The following NRG1 variants were observed in gnomAD, a reference collection of about 807,000 sequenced individuals.
NRG1 encodes the protein pro-neuregulin-1, membrane-bound isoform.
A neutral mutation model predicts 63.8 loss-of-function variants in NRG1; 18 were observed. That is an observed-to-expected ratio of 0.28 (90% confidence interval 0.19 to 0.42). The LOEUF (loss-of-function observed/expected upper bound fraction) is 0.42, where lower values mean the gene tolerates loss of function less well. Ranked by LOEUF, NRG1 falls within the 10% of genes least tolerant of loss-of-function variation. The pLI is 1.00. For missense variants in NRG1, 762 were observed against 814.7 expected (o/e 0.94, Z 0.79); for synonymous variants, 302 against 301.3 (o/e 1.00, Z -0.02).
intron 1 of NRG1, among the ~76,000 whole-genome samples, chr8:32,114,015 G>A (rs189065035): frequency 6.6e-6 from 1 of 152,168 alleles, no homozygotes; most frequent in Non-Finnish European, 1.5e-5. Context: ...ACAAAAGGCA[G>A]TCAGACAGCC....
intron 1 of NRG1, among the ~76,000 whole-genome samples, chr8:31,648,892 A>T: frequency 6.6e-6 from 1 of 151,942 alleles, no homozygotes; most frequent in East Asian, 1.9e-4. Flanking sequence ...CCTGCTTTCA[A>T]TTTTTTGGGT....
chr8:32,337,970 A>G (rs1803541209), intron 1 of NRG1, among the ~76,000 whole-genome samples: 1 of 152,178 alleles, frequency 6.6e-6, no homozygotes, highest in South Asian at 2.1e-4. Context: ...TTATACTTTA[A>G]TTATTTCTTT....
intron 1 of NRG1, among the ~76,000 whole-genome samples, chr8:31,670,571 G>GTTTT (rs35693427): frequency 6.8e-6 from 1 of 146,172 alleles, no homozygotes. Context: ...CATTCTCTTT[G>GTTTT]TTTTTTTTTT....
intron 1 of NRG1, among the ~76,000 whole-genome samples, chr8:31,954,098 A>G (rs1224255002): frequency 1.3e-5 from 2 of 152,160 alleles, no homozygotes; most frequent in Non-Finnish European, 2.9e-5. Flanking sequence ...CAGCCATAAA[A>G]TTTGTTTGAC....
At chr8:32,486,627 A>AATTTTTTTT (rs71208187) in intron 1 of NRG1, among the ~76,000 whole-genome samples, 2 of 145,518 alleles carry the variant, frequency 1.4e-5, no homozygotes. Flanking sequence ...GAATTGCTGG[A>AATTTTTTTT]TTTTTTTTTT....
chr8:32,125,066 T>C (rs948709827), intron 1 of NRG1, among the ~76,000 whole-genome samples: 1 of 151,898 alleles, frequency 6.6e-6, no homozygotes, highest in Non-Finnish European at 1.5e-5. Context: ...ACTTAGGCCC[T>C]TTTTGCCTTT....
intron 1 of NRG1, among the ~76,000 whole-genome samples, chr8:32,040,725 T>TATATGAAATTTAGGCGC (rs1554608430): frequency 8.5e-6 from 1 of 117,782 alleles, no homozygotes; most frequent in African/African-American, 3.0e-5. Flanking sequence ...TATATATATA[T>TATATGAAATTTAGGCGC]ATATATATAT....
At chr8:32,175,492 CAGA>C (rs1481615972) in intron 1 of NRG1, among the ~76,000 whole-genome samples, 1 of 152,114 alleles carries the variant, frequency 6.6e-6, no homozygotes, top group Non-Finnish European at 1.5e-5. Context: ...GGCTATCAGG[CAGA>C]AGAAGGAAAT....
chr8:32,518,886 G>T (rs1319768966), intron 1 of NRG1, among the ~76,000 whole-genome samples: 1 of 152,204 alleles, frequency 6.6e-6, no homozygotes, highest in African/African-American at 2.4e-5. Flanking sequence ...TTAATGGAGA[G>T]ATTTAATTTC....
intron 1 of NRG1, among the ~76,000 whole-genome samples, chr8:32,195,597 G>T (rs1842879987): frequency 6.6e-6 from 1 of 152,094 alleles, no homozygotes; most frequent in Non-Finnish European, 1.5e-5. Flanking sequence ...GAGGCCAACA[G>T]TATAGAACCA....
chr8:32,064,099 T>TGG (rs1399051432), intron 1 of NRG1, among the ~76,000 whole-genome samples: 6 of 152,066 alleles, frequency 3.9e-5, no homozygotes, highest in African/African-American at 1.4e-4. Context: ...AAACCCTTTC[T>TGG]GGCAAAGAAA....
intron 1 of NRG1, among the ~76,000 whole-genome samples, chr8:32,268,476 T>G (rs1851217088): frequency 6.6e-6 from 1 of 152,244 alleles, no homozygotes; most frequent in African/African-American, 2.4e-5. Context: ...TGATTTGTTT[T>G]ACTCTTATTT....
chr8:31,866,387 A>G (rs1196873583), intron 1 of NRG1, among the ~76,000 whole-genome samples: 1 of 152,160 alleles, frequency 6.6e-6, no homozygotes, highest in African/African-American at 2.4e-5. Flanking sequence ...AATGGCAGGG[A>G]CAGAACCAAA....
At chr8:32,180,939 A>G (rs1841368222) in intron 1 of NRG1, among the ~76,000 whole-genome samples, 1 of 152,090 alleles carries the variant, frequency 6.6e-6, no homozygotes, top group African/African-American at 2.4e-5. Flanking sequence ...AGTAACCACC[A>G]TTCTATTCTC....
intron 1 of NRG1, among the ~76,000 whole-genome samples, chr8:32,390,869 A>G (rs150682992): frequency 6.6e-6 from 1 of 152,208 alleles, no homozygotes; most frequent in East Asian, 1.9e-4. Flanking sequence ...ATATTTGTTG[A>G]ATTAAGAAAA....
intron 5 of NRG1, among the ~76,000 whole-genome samples, chr8:32,663,308 T>G (rs543541249): frequency 6.6e-5 from 10 of 152,264 alleles, no homozygotes; most frequent in Non-Finnish European, 1.5e-4. Flanking sequence ...AGTACTTTCC[T>G]CTCTTTCCTC....
At chr8:31,893,816 C>G (rs1486245430) in intron 1 of NRG1, among the ~76,000 whole-genome samples, 1 of 151,732 alleles carries the variant, frequency 6.6e-6, no homozygotes, top group East Asian at 1.9e-4. Context: ...ATAAATATTC[C>G]ACACTTTTTG....
In NRG1 at chr8:31,989,859, A is replaced by G. The variant is rs73232429; in HGVS notation, c.37+350428A>G. On this transcript the variant is annotated intron_variant, in intron 1 of 10. Transcript: ENST00000519301. ...TGGTTGGAATTTCTCTTGCTTGTTGATATATGTACTTTCCATGTTGGACTT... is the reference window on the plus strand; with the variant it reads ...TGGTTGGAATTTCTCTTGCTTGTTGGTATATGTACTTTCCATGTTGGACTT... Among the ~76,000 whole-genome samples the G allele has an allele frequency of 4.8e-3, 733 of 152,138 alleles. 4 individuals carry two copies. The highest frequency in any genetic ancestry group is 0.017 in the Middle Eastern group (5 of 294).
At chr8:32,105,448 C>T (rs1359046265) in intron 1 of NRG1, among the ~76,000 whole-genome samples, 1 of 152,098 alleles carries the variant, frequency 6.6e-6, no homozygotes, top group Non-Finnish European at 1.5e-5. Flanking sequence ...ACCATCAGAT[C>T]TCGTGAGACT....
Sources: allele counts gnomAD v4.1 joint callset (sites outside exome capture counted in the v4.1 genomes callset), GRCh38; gene constraint gnomAD v4.1.1; transcripts MANE v1.5; gene names NCBI Gene and HGNC (gene_info 2026-07-23, HGNC 2026-07-21).